Variants in OXR1 observed in about 807,000 individuals in gnomAD.
OXR1 encodes oxidation resistance 1, also known as oxidation resistance protein 1.
Under a neutral mutation model 104.6 loss-of-function variants are expected in OXR1, and 41 were observed. The observed-to-expected ratio is 0.39, with a 90% CI of 0.31 to 0.51. The LOEUF (loss-of-function observed/expected upper bound fraction) is 0.51. Ranked by LOEUF, OXR1 falls within the 20% of genes least tolerant of loss-of-function variation. OXR1 has a pLI of 0.77. For missense variants in OXR1, 955 were observed against 1,031.9 expected, an observed-to-expected ratio of 0.93 and a Z score of 1.02; for synonymous variants, 348 against 348.4, an observed-to-expected ratio of 1.00 and a Z score of 0.01.
chr8:106,691,164 G>A (rs1829236351), intron 6 of OXR1, among the ~76,000 whole-genome samples: 2 of 151,834 alleles, frequency 1.3e-5, no homozygotes, highest in African/African-American at 4.8e-5. Flanking sequence ...AATATTTGGG[G>A]CAATAATGAG....
chr8:106,694,762 A>G (rs1315177147), intron 7 of OXR1, among the ~76,000 whole-genome samples: 1 of 106,288 alleles, frequency 9.4e-6, no homozygotes, highest in East Asian at 3.3e-4. Flanking sequence ...TAATATATAT[A>G]TTTAATAGAT....
Position 106,713,869 on chromosome 8 carries a change from T to C in OXR1, c.1840T>C (p.Tyr614His), listed in dbSNP as rs762915386. 155 of 1,584,214 alleles carry C rather than the reference T, an allele frequency of 9.8e-5. No homozygotes were observed. The highest frequency in any genetic ancestry group is 1.3e-4 in the Non-Finnish European group (149 of 1,170,848). ...CTTCATTCAGTGGAGTCCAGAAATATATGCAGAAGATACTGGCGAATATAC... is the reference window on the plus strand; with the variant it reads ...CTTCATTCAGTGGAGTCCAGAAATACATGCAGAAGATACTGGCGAATATAC... Reference protein sequence around the residue: ...AFFIQWSPEIYAEDTGEYTRE... With the variant: ...AFFIQWSPEIHAEDTGEYTRE... Residue 614 changes from tyrosine (Y) to histidine (H), a missense_variant, in exon 11 of 17, where the codon TAT (tyrosine) becomes CAT (histidine). Tyr to His is a moderately conservative substitution (Grantham distance 83, BLOSUM62 2). Coordinates refer to ENST00000517566, the MANE Select transcript of OXR1 (RefSeq NM_001198533.2).
At chr8:106,598,501 C>G (rs2130739297) in intron 3 of OXR1, among the ~76,000 whole-genome samples, 1 of 152,298 alleles carries the variant, frequency 6.6e-6, no homozygotes, top group Admixed American at 6.5e-5. Context: ...CTGCGATTGT[C>G]CTCCCTGCTT....
chr8:106,591,460 C>A (rs929771072), intron 3 of OXR1, among the ~76,000 whole-genome samples: 9 of 138,908 alleles, frequency 6.5e-5, no homozygotes, highest in African/African-American at 2.2e-4. Flanking sequence ...AAAAAAAGAA[C>A]TAAGTAGGAG....
intron 2 of OXR1, among the ~76,000 whole-genome samples, chr8:106,475,348 AT>A (rs1303816643): frequency 1.3e-5 from 2 of 151,958 alleles, no homozygotes; most frequent in African/African-American, 4.8e-5. Context: ...TATATTTAAT[AT>A]TTATTAAGTG....
At chr8:106,499,747 T>C (rs1304816197) in intron 2 of OXR1, among the ~76,000 whole-genome samples, 1 of 152,204 alleles carries the variant, frequency 6.6e-6, no homozygotes, top group Admixed American at 6.5e-5. Flanking sequence ...ACCACAAAAA[T>C]ATAACTAATA....
intron 2 of OXR1, among the ~76,000 whole-genome samples, chr8:106,456,871 G>A (rs1001683747): frequency 6.6e-6 from 1 of 152,178 alleles, no homozygotes. Context: ...GTGTTTGTGT[G>A]TGTTGTATGT....
Position 106,288,153 on chromosome 8 carries a change from G to A in OXR1, c.-139+17786G>A, listed in dbSNP as rs531454318. On this transcript the variant is annotated intron_variant, in intron 1 of 16. Coordinates refer to ENST00000517566, the MANE Select transcript of OXR1 (RefSeq NM_001198533.2). ...GCCATGAAAACAGATGGGGTCCCTG[G>A]GCTATGAGAATTTAGTACTGGCAGG... Among the ~76,000 whole-genome samples, 38 of 152,302 alleles carry A rather than the reference G, an allele frequency of 2.5e-4. 1 individual carries two copies. The highest frequency in any genetic ancestry group is 2.1e-4 in the South Asian group (1 of 4,828).
intron 14 of OXR1, among the ~76,000 whole-genome samples, chr8:106,741,541 G>C (rs958917633): frequency 3.9e-5 from 6 of 152,046 alleles, no homozygotes; most frequent in Non-Finnish European, 4.4e-5. Flanking sequence ...CTTTCAATAA[G>C]GAAATATTTT....
intron 16 of OXR1, among the ~76,000 whole-genome samples, chr8:106,748,237 A>G (rs1835560665): frequency 6.6e-6 from 1 of 152,228 alleles, no homozygotes; most frequent in African/African-American, 2.4e-5. Context: ...AATTAGACAA[A>G]TATGAATTTC....
intron 2 of OXR1, among the ~76,000 whole-genome samples, chr8:106,360,310 A>G (rs951466829): frequency 3.3e-5 from 5 of 152,188 alleles, no homozygotes; most frequent in African/African-American, 1.2e-4. Flanking sequence ...TTATATAACG[A>G]GATGAGTAAG....
At chr8:106,559,791 T>G (rs1428788099) in intron 3 of OXR1, among the ~76,000 whole-genome samples, 31 of 152,162 alleles carry the variant, frequency 2.0e-4, no homozygotes, top group Admixed American at 2.0e-3. Context: ...CGGAACCTCA[T>G]GACCTAGTCA....
At chr8:106,737,352 C>T (rs921735923) in intron 11 of OXR1, among the ~76,000 whole-genome samples, 168 bp from the exon 12 acceptor site, 1 of 149,388 alleles carries the variant, frequency 6.7e-6, no homozygotes. Flanking sequence ...ATATTTCACT[C>T]TAGTTTGATA....
intron 2 of OXR1, among the ~76,000 whole-genome samples, chr8:106,415,579 G>GAGAGAGAC (rs5893789): frequency 0.37 from 56,007 of 150,382 alleles, 11,645 homozygotes; most frequent in East Asian, 0.69. Context: ...CTGAGAGAGA[G>GAGAGAGAC]AGAGAGACAG....
At chr8:106,422,595 T>C (rs1341345444) in intron 2 of OXR1, among the ~76,000 whole-genome samples, 2 of 152,282 alleles carry the variant, frequency 1.3e-5, no homozygotes, top group Admixed American at 6.5e-5. Flanking sequence ...CCATTTGTTT[T>C]TCACTTGTAT....
At chr8:106,626,550 G>A (rs1281198079) in intron 3 of OXR1, among the ~76,000 whole-genome samples, 1 of 143,664 alleles carries the variant, frequency 7.0e-6, no homozygotes, top group Non-Finnish European at 1.5e-5. Context: ...TTAAATCCAT[G>A]TTGTAAATTT....
At chr8:106,459,940 C>A (rs144593887) in intron 2 of OXR1, among the ~76,000 whole-genome samples, 1 of 152,176 alleles carries the variant, frequency 6.6e-6, no homozygotes, top group South Asian at 2.1e-4. Flanking sequence ...AGCATCCATA[C>A]GTTTCTCTTC....
intron 1 of OXR1, among the ~76,000 whole-genome samples, chr8:106,305,067 T>G (rs1429675977): frequency 6.6e-6 from 1 of 152,064 alleles, no homozygotes; most frequent in Non-Finnish European, 1.5e-5. Flanking sequence ...GGTTCAGAGA[T>G]TTTGTGATTT....
At chr8:106,688,238 G>A (rs998786753) in intron 6 of OXR1, among the ~76,000 whole-genome samples, 3 of 151,932 alleles carry the variant, frequency 2.0e-5, no homozygotes, top group Non-Finnish European at 4.4e-5. Flanking sequence ...ATGAAAAAAC[G>A]AAATAATTTT....
Sources: gnomAD v4.1 joint callset for allele counts (sites outside exome capture counted in the v4.1 genomes callset) on GRCh38, gnomAD v4.1.1 for gene constraint, MANE v1.5 for transcripts, NCBI Gene and HGNC (gene_info 2026-07-23, HGNC 2026-07-21) for gene names.